Variants in RTN1 observed in about 807,000 individuals in gnomAD.
RTN1 encodes the protein reticulon-1.
In RTN1, 25 loss-of-function variants were observed where a neutral mutation model predicts 65.5. The observed-to-expected ratio is 0.38, with a 90% CI of 0.28 to 0.53. RTN1 has a LOEUF of 0.53. Ranked by LOEUF, RTN1 falls within the 20% of genes least tolerant of loss-of-function variation. The probability of loss-of-function intolerance (pLI) is 0.79; values close to 1 mark genes in which losing one functional copy is unlikely to be tolerated. For missense variants in RTN1, 983 were observed against 1,025.4 expected, an observed-to-expected ratio of 0.96 and a Z score of 0.57; for synonymous variants, 471 against 447.6, an observed-to-expected ratio of 1.05 and a Z score of -0.66.
At chr14:59,664,245 C>T (rs1883314214) in intron 3 of RTN1, among the ~76,000 whole-genome samples, 1 of 152,046 alleles carries the variant, frequency 6.6e-6, no homozygotes, top group Non-Finnish European at 1.5e-5. Context: ...CATGTTCTCA[C>T]TCATAAGTGG....
chr14:59,759,900 G>A (rs1288012329), intron 1 of RTN1, among the ~76,000 whole-genome samples: 8 of 152,198 alleles, frequency 5.3e-5, no homozygotes. Flanking sequence ...ACACTAGGAG[G>A]AGGCTGGGAG....
intron 1 of RTN1, among the ~76,000 whole-genome samples, chr14:59,795,581 C>T (rs563666453): frequency 2.7e-3 from 417 of 152,122 alleles, no homozygotes; most frequent in Non-Finnish European, 4.4e-3. Context: ...AATATCTATC[C>T]GTATTATCTG....
intron 1 of RTN1, among the ~76,000 whole-genome samples, chr14:59,819,404 CA>C (rs1566737369): frequency 8.7e-5 from 2 of 23,008 alleles, no homozygotes; most frequent in East Asian, 6.3e-4. Context: ...GGTGCATCCA[CA>C]CCACCACCAC....
intron 1 of RTN1, among the ~76,000 whole-genome samples, chr14:59,779,909 G>C (rs1194309045): frequency 1.3e-5 from 2 of 152,176 alleles, no homozygotes; most frequent in Non-Finnish European, 2.9e-5. Context: ...AAATGATTTA[G>C]CAAGGATTAT....
In RTN1 at chr14:59,596,688, G is replaced by T. The variant is rs1881409962; in HGVS notation, c.*57C>A. 1 of 1,265,274 alleles carries T rather than the reference G, an allele frequency of 7.9e-7. No homozygotes were observed. The highest frequency in any genetic ancestry group is 1.7e-5 in the Admixed American group (1 of 59,468). 78.4% of individuals were successfully genotyped at this position (1,265,274 alleles called of 1,614,324 possible). ...CAATTTGCAGTAATGAGTAAGAAGA[G>T]AGCTGTTACCACTCCAGACATTCCT... On this transcript the variant is annotated 3_prime_UTR_variant, in exon 9 of 9. Transcript: ENST00000267484.
chr14:59,735,831 TAACA>T lies in RTN1; in HGVS notation c.1016-8167_1016-8164del, dbSNP rs527853867. Among the ~76,000 whole-genome samples the T allele has an allele frequency of 1.8e-4, 28 of 151,808 alleles. No homozygotes were observed. In the East Asian group the frequency reaches 5.0e-3, roughly 27 times the overall value. Reference sequence around the variant, plus strand: ...ACTGACAATATTAGACATGAAATAATAACAAACAGTCTCTCAGACCACAGCACAA... The same window carrying T: ...ACTGACAATATTAGACATGAAATAATAACAGTCTCTCAGACCACAGCACAA... On this transcript the variant is annotated intron_variant, in intron 2 of 8. Coordinates refer to ENST00000267484, the MANE Select transcript of RTN1 (RefSeq NM_021136.3).
At chr14:59,756,145 G>T (rs1482524023) in intron 1 of RTN1, among the ~76,000 whole-genome samples, 1 of 152,170 alleles carries the variant, frequency 6.6e-6, no homozygotes, top group Non-Finnish European at 1.5e-5. Context: ...TAGTGCCTTG[G>T]AAAGCATAAA....
chr14:59,602,993 C>T lies in RTN1; in HGVS notation c.2288+72G>A, dbSNP rs1250596720. The T allele has an allele frequency of 6.8e-6, 8 of 1,171,420 alleles. No homozygotes were observed. In the South Asian group the frequency reaches 7.9e-5, roughly 12 times the overall value. 72.6% of individuals were successfully genotyped at this position (1,171,420 alleles called of 1,614,324 possible). ...CTATCATTTTACTATCTTCTCATTA[C>T]CCCTATCCTAATCCACTCAAATGCT... On this transcript the variant is annotated intron_variant, in intron 8 of 8. Transcript: ENST00000267484.
At chr14:59,763,628 G>A (rs1353034276) in intron 1 of RTN1, among the ~76,000 whole-genome samples, 1 of 150,482 alleles carries the variant, frequency 6.6e-6, no homozygotes, top group East Asian at 2.0e-4. Flanking sequence ...CGCCTCCCAG[G>A]TTCATGCCAT....
chr14:59,606,126 A>ATCTATC (rs1555351518), intron 4 of RTN1: 3 of 124,182 alleles, frequency 2.4e-5, no homozygotes, highest in East Asian at 4.5e-4. Flanking sequence ...ATATATATAT[A>ATCTATC]TCATACCAGC....
At chr14:59,821,338 T>C (rs973693464) in intron 1 of RTN1, among the ~76,000 whole-genome samples, 4 of 152,214 alleles carry the variant, frequency 2.6e-5, no homozygotes, top group African/African-American at 9.6e-5. Context: ...ACAGAAATGC[T>C]CCTGATTTTT....
At chr14:59,827,065 TTTGTTGTTGTTGTTG>T (rs144561240) in intron 1 of RTN1, among the ~76,000 whole-genome samples, 1 of 151,122 alleles carries the variant, frequency 6.6e-6, no homozygotes, top group Admixed American at 6.6e-5. Flanking sequence ...GTATATGTGT[TTTGTTGTTGTTGTTG>T]TTGTTGTTGT....
At chr14:59,824,692 T>C (rs1887000333) in intron 1 of RTN1, among the ~76,000 whole-genome samples, 1 of 152,204 alleles carries the variant, frequency 6.6e-6, no homozygotes, top group African/African-American at 2.4e-5. Context: ...TGGGGTTTTT[T>C]CCCAAATAGT....
chr14:59,783,610 T>C (rs983036994), intron 1 of RTN1, among the ~76,000 whole-genome samples: 1 of 152,132 alleles, frequency 6.6e-6, no homozygotes, highest in South Asian at 2.1e-4. Context: ...TCGAGAGCAG[T>C]GATGAGCGGC....
chr14:59,716,972 A>AACAC (rs1303009391), intron 3 of RTN1, among the ~76,000 whole-genome samples: 1 of 105,638 alleles, frequency 9.5e-6, no homozygotes, highest in Admixed American at 1.0e-4. Flanking sequence ...CATCTCAACA[A>AACAC]ACAAACAAAC....
chr14:59,706,091 G>A (rs547045409), intron 3 of RTN1, among the ~76,000 whole-genome samples: 28 of 152,284 alleles, frequency 1.8e-4, no homozygotes, highest in Non-Finnish European at 3.5e-4. Flanking sequence ...TCATAAAGCA[G>A]GAGAGGAAGT....
intron 1 of RTN1, among the ~76,000 whole-genome samples, chr14:59,828,470 G>A (rs76473623): frequency 0.02 from 3,053 of 152,276 alleles, 71 homozygotes; most frequent in African/African-American, 0.06. Context: ...GAGTACAGAG[G>A]GAAGACTGGA....
At chr14:59,814,327 A>C (rs1886781234) in intron 1 of RTN1, among the ~76,000 whole-genome samples, 1 of 152,206 alleles carries the variant, frequency 6.6e-6, no homozygotes, top group Non-Finnish European at 1.5e-5. Context: ...GGACATCCAC[A>C]AAAGTCACTG....
chr14:59,740,470 C>T (rs892893619), intron 2 of RTN1, among the ~76,000 whole-genome samples: 2 of 152,130 alleles, frequency 1.3e-5, no homozygotes, highest in East Asian at 3.9e-4. Context: ...ATAGGTATGC[C>T]CTAAGAAATA....
Sources: gnomAD v4.1 joint callset for allele counts (sites outside exome capture counted in the v4.1 genomes callset) on GRCh38, gnomAD v4.1.1 for gene constraint, MANE v1.5 for transcripts, NCBI Gene and HGNC (gene_info 2026-07-23, HGNC 2026-07-21) for gene names.